The following RBL2 variants were observed in gnomAD, a reference collection of about 807,000 sequenced individuals.
RBL2 encodes retinoblastoma-like protein 2.
Under a neutral mutation model 126.0 loss-of-function variants are expected in RBL2, and 56 were observed. That is an observed-to-expected ratio of 0.44 (90% CI 0.36 to 0.56). The LOEUF (loss-of-function observed/expected upper bound fraction) is 0.56. Ranked by LOEUF, RBL2 falls within the 20% of genes least tolerant of loss-of-function variation. The pLI, the probability that RBL2 is intolerant of heterozygous loss-of-function variation, is 0.00. For synonymous variants in RBL2, 454 were observed against 478.5 expected (o/e 0.95, Z 0.67); for missense variants, 1,229 against 1,398.2 (o/e 0.88, Z 1.93).
At chr16:53,456,473 G>A (rs549138479) in intron 8 of RBL2, among the ~76,000 whole-genome samples, 1 of 152,280 alleles carries the variant, frequency 6.6e-6, no homozygotes, top group East Asian at 1.9e-4. Flanking sequence ...CCATATTTTG[G>A]AGATGGCACC....
intron 9 of RBL2, among the ~76,000 whole-genome samples, chr16:53,459,860 A>G (rs1207994180): frequency 6.6e-6 from 1 of 151,938 alleles, no homozygotes; most frequent in Non-Finnish European, 1.5e-5. Flanking sequence ...GTGTAGAGTA[A>G]AACACAAAAG....
chr16:53,434,667 T>G lies in RBL2; in HGVS notation c.111T>G (p.Pro37=), dbSNP rs776466227. The G allele has an allele frequency of 5.1e-6, 8 of 1,571,314 alleles. No homozygotes were observed. The Admixed American group carries it at 7.2e-5, about 14-fold the overall frequency. ...DDGEAEDAAP[P]AESPTPQIQQ... is the part of the protein sequence containing the mutation. ...GCGAGGCGGAAGACGCCGCGCCGCC[T>G]GCCGAGTCGCCCACCCCTCAGATCC... The change falls in exon 1 of 22, where the codon CCT becomes CCG. Residue 37 remains proline, a synonymous_variant. Coordinates refer to ENST00000262133, the MANE Select transcript of RBL2 (RefSeq NM_005611.4).
intron 8 of RBL2, among the ~76,000 whole-genome samples, chr16:53,458,741 C>T (rs765194064): frequency 6.6e-5 from 10 of 152,044 alleles, no homozygotes; most frequent in South Asian, 2.1e-4. Context: ...TCTTAGGTGG[C>T]GGTGGCAAGA....
rs771890872 is a variant in RBL2, at chr16:53,454,653, T to C, written c.993-3T>C. ...ATTTTGTCTGTATTTGTTTTTCCTA[T>C]AGTAAAGCCATCAATAAGGCCTATG... On this transcript the variant is annotated splice_polypyrimidine_tract_variant and splice_region_variant and intron_variant, in intron 7 of 21. Transcript: ENST00000262133. 8 of 1,604,014 alleles carry C rather than the reference T, an allele frequency of 5.0e-6. No individual in the cohort carries two copies. The highest frequency in any genetic ancestry group is 6.8e-6 in the Non-Finnish European group (8 of 1,172,738).
chr16:53,434,908 C>G, intron 1 of RBL2, 112 bp downstream of exon 1: 18 of 1,369,270 alleles, frequency 1.3e-5, no homozygotes, highest in Non-Finnish European at 1.6e-5. Flanking sequence ...CTCCCAGCCC[C>G]GAGAGGGGTG....
chr16:53,481,942 A>G lies in RBL2; in HGVS notation c.3249+107A>G. On this transcript the variant is annotated intron_variant, in intron 21 of 21. Coordinates refer to ENST00000262133, the MANE Select transcript of RBL2 (RefSeq NM_005611.4). Reference sequence around the variant, plus strand: ...ACTCATTAGAGTGATGAGAGCTGCCAGGGAGCAGTGATCAGTCAGTCCTCA... The same window carrying G: ...ACTCATTAGAGTGATGAGAGCTGCCGGGGAGCAGTGATCAGTCAGTCCTCA... The G allele has an allele frequency of 2.5e-6, 3 of 1,199,846 alleles. No homozygotes were observed. In the African/African-American group the frequency reaches 4.7e-5, roughly 19 times the overall value. 74.3% of individuals were successfully genotyped at this position (1,199,846 alleles called of 1,614,324 possible). A position where few individuals can be genotyped will look rare whatever the true frequency, so the allele number is the denominator to read the frequency against.
At chr16:53,476,675 G>A (rs913609413) in intron 17 of RBL2, among the ~76,000 whole-genome samples, 2 of 152,096 alleles carry the variant, frequency 1.3e-5, no homozygotes, top group African/African-American at 4.8e-5. Context: ...CAGTTATTAG[G>A]TATGTGTATA....
intron 10 of RBL2, 69 bp downstream of exon 10, chr16:53,461,919 C>G: frequency 6.0e-6 from 8 of 1,327,106 alleles, no homozygotes; most frequent in Non-Finnish European, 8.6e-6. Context: ...TTCTTACTAA[C>G]TAAGAAAGAT....
chr16:53,435,888 T>G (rs2057954047), intron 1 of RBL2: 4 of 820,786 alleles, frequency 4.9e-6, no homozygotes, highest in Non-Finnish European at 6.7e-6. Context: ...GTATGGTGGC[T>G]TTAGAACCCG....
In RBL2 at chr16:53,467,173, A is replaced by G. The variant is rs974868510; in HGVS notation, c.1975+4A>G. On this transcript the variant is annotated splice_donor_region_variant and intron_variant, in intron 14 of 21. Transcript: ENST00000262133. ...GATACTGGAGGACTTGGAAGGAGTAAGTTTAAAATACTAGGAGAATATTTT... is the reference window on the plus strand; with the variant it reads ...GATACTGGAGGACTTGGAAGGAGTAGGTTTAAAATACTAGGAGAATATTTT... 1 of 1,596,644 alleles carries G rather than the reference A, an allele frequency of 6.3e-7. No homozygotes were observed. The highest frequency in any genetic ancestry group is 8.6e-7 in the Non-Finnish European group (1 of 1,165,274).
intron 13 of RBL2, 97 bp downstream of exon 13, chr16:53,465,699 A>G (rs73608320): frequency 1.0e-5 from 10 of 980,352 alleles, no homozygotes; most frequent in Non-Finnish European, 1.4e-5. Context: ...TAGGTTTAAT[A>G]TGTTATAATT....
chr16:53,453,808 T>A (rs370782277), intron 7 of RBL2, 39 bp downstream of exon 7: 7 of 1,476,694 alleles, frequency 4.7e-6, no homozygotes, highest in South Asian at 3.7e-5. Flanking sequence ...TATTTTAAAT[T>A]GTATACTTAG....
intron 9 of RBL2, among the ~76,000 whole-genome samples, chr16:53,461,210 C>T (rs115933924): frequency 0.02 from 2,977 of 152,202 alleles, 101 homozygotes; most frequent in African/African-American, 0.066. Context: ...GGTGTATCCC[C>T]GGCCGGGCGA....
At chr16:53,474,791 T>C (rs1289266368) in intron 17 of RBL2, among the ~76,000 whole-genome samples, 2 of 152,240 alleles carry the variant, frequency 1.3e-5, no homozygotes, top group Non-Finnish European at 2.9e-5. Flanking sequence ...TGTGGCTTTG[T>C]CTGGTTTTAT....
chr16:53,459,688 A>G (rs934649571), intron 9 of RBL2, 71 bp downstream of exon 9: 25 of 1,368,678 alleles, frequency 1.8e-5, no homozygotes, highest in Non-Finnish European at 2.4e-5. Context: ...TTCTTTCATT[A>G]TTAATGCCTT....
intron 16 of RBL2, 30 bp from the exon 17 acceptor site, chr16:53,470,716 A>G: frequency 6.2e-7 from 1 of 1,612,474 alleles, no homozygotes; most frequent in Non-Finnish European, 8.5e-7. Context: ...ACAAGTGTTA[A>G]ACAAAGTTTG....
At position 53,490,521 on chromosome 16, in the gene RBL2, C is replaced by T. The variant is rs553718978; in HGVS notation, c.*221C>T. On this transcript the variant is annotated 3_prime_UTR_variant, in exon 22 of 22. Coordinates refer to ENST00000262133, the MANE Select transcript of RBL2 (RefSeq NM_005611.4). ...TTTTTTCCCTACCATTCAGTGATTA[C>T]TGTCAAGGCTGCTTAGAATCCAAAC... The T allele has an allele frequency of 3.2e-5, 12 of 380,280 alleles. No individual in the cohort carries two copies. The highest frequency in any genetic ancestry group is 5.1e-5 in the Non-Finnish European group (11 of 215,892). 23.6% of individuals were successfully genotyped at this position (380,280 alleles called of 1,614,324 possible). A position where few individuals can be genotyped will look rare whatever the true frequency, so the allele number is the denominator to read the frequency against.
Position 53,465,714 on chromosome 16 carries a change from CTTG to C in RBL2, c.1863+115_1863+117del, listed in dbSNP as rs914092119. The C allele has an allele frequency of 2.5e-5, 21 of 850,304 alleles. No homozygotes were observed. In the African/African-American group the frequency reaches 3.6e-4, roughly 14 times the overall value. 52.7% of individuals were successfully genotyped at this position (850,304 alleles called of 1,614,324 possible). Reference sequence around the variant, plus strand: ...TAGGTTTAATATGTTATAATTACACCTTGTTATGAGAAAAATCTTGGACTGTAA... The same window carrying C: ...TAGGTTTAATATGTTATAATTACACCTTATGAGAAAAATCTTGGACTGTAA... On this transcript the variant is annotated intron_variant, in intron 13 of 21. Transcript: ENST00000262133.
chr16:53,476,016 A>G (rs775177836), intron 17 of RBL2, among the ~76,000 whole-genome samples: 1 of 150,812 alleles, frequency 6.6e-6, no homozygotes, highest in Non-Finnish European at 1.5e-5. Context: ...TAGATACGAG[A>G]TTTTGCTGTG....
Sources: allele counts gnomAD v4.1 joint callset (sites outside exome capture counted in the v4.1 genomes callset), GRCh38; gene constraint gnomAD v4.1.1; transcripts MANE v1.5; gene names NCBI Gene and HGNC (gene_info 2026-07-23, HGNC 2026-07-21).